CARMIL1: variants seen among roughly 807,000 people sequenced by gnomAD.
CARMIL1 encodes F-actin-uncapping protein LRRC16A.
Under a neutral mutation model 177.1 loss-of-function variants are expected in CARMIL1, and 90 were observed. The ratio of observed to expected loss-of-function variants is 0.51; its 90% CI spans 0.43 to 0.61. The LOEUF is 0.61. Among genes scored for constraint, CARMIL1 ranks in the 20% least tolerant of loss-of-function variants. CARMIL1 has a pLI of 0.00. For synonymous variants in CARMIL1, 577 were observed against 606.2 expected, an observed-to-expected ratio of 0.95 and a Z score of 0.71; for missense variants, 1,380 against 1,667.0, an observed-to-expected ratio of 0.83 and a Z score of 3.00.
chr6:25,526,443 A>G, intron 23 of CARMIL1, among the ~76,000 whole-genome samples: 1 of 151,660 alleles, frequency 6.6e-6, no homozygotes, highest in East Asian at 1.9e-4. Context: ...TAAAGCTTAT[A>G]TTTATTGGTT....
intron 2 of CARMIL1, among the ~76,000 whole-genome samples, chr6:25,378,860 C>A (rs1341611170): frequency 1.3e-5 from 2 of 150,314 alleles, no homozygotes; most frequent in Non-Finnish European, 2.9e-5. Context: ...GGCATGCTCA[C>A]AGTGCCTCCA....
At chr6:25,548,862 A>G (rs1263782136) in intron 26 of CARMIL1, among the ~76,000 whole-genome samples, 1 of 152,184 alleles carries the variant, frequency 6.6e-6, no homozygotes, top group Admixed American at 6.6e-5. Flanking sequence ...AGCAACCTTG[A>G]GCAAGTCACT....
At chr6:25,525,667 A>T in intron 23 of CARMIL1, among the ~76,000 whole-genome samples, 1 of 152,236 alleles carries the variant, frequency 6.6e-6, no homozygotes, top group East Asian at 1.9e-4. Context: ...TGTGGTATAA[A>T]GGATGGAAAA....
At chr6:25,451,200 C>G (rs897144165) in intron 8 of CARMIL1, among the ~76,000 whole-genome samples, 19 of 151,868 alleles carry the variant, frequency 1.3e-4, no homozygotes, top group African/African-American at 4.1e-4. Flanking sequence ...ATGTGTGTAT[C>G]CAAAATCCAG....
chr6:25,282,812 A>G (rs1781242265), intron 1 of CARMIL1, among the ~76,000 whole-genome samples: 1 of 152,200 alleles, frequency 6.6e-6, no homozygotes, highest in South Asian at 2.1e-4. Context: ...TTCCGAATCC[A>G]TGATCTTATG....
At chr6:25,311,858 A>C (rs1263809903) in intron 2 of CARMIL1, among the ~76,000 whole-genome samples, 1 of 152,172 alleles carries the variant, frequency 6.6e-6, no homozygotes, top group African/African-American at 2.4e-5. Context: ...TGAAGACACA[A>C]TTCTCCCATC....
At chr6:25,420,333 T>C in intron 3 of CARMIL1, 169 bp downstream of exon 3, 1 of 672,688 alleles carries the variant, frequency 1.5e-6, no homozygotes, top group Non-Finnish European at 2.6e-6. Context: ...TGTTCAGATT[T>C]CTCTTAGCAC....
chr6:25,460,064 C>G (rs753429314), intron 8 of CARMIL1, among the ~76,000 whole-genome samples: 2 of 152,178 alleles, frequency 1.3e-5, no homozygotes, highest in Non-Finnish European at 2.9e-5. Flanking sequence ...GTTTGGAAAC[C>G]TTTCCCCTTA....
chr6:25,611,621 G>C (rs1486814718), intron 36 of CARMIL1, among the ~76,000 whole-genome samples: 1 of 152,208 alleles, frequency 6.6e-6, no homozygotes, highest in Non-Finnish European at 1.5e-5. Flanking sequence ...GGATGGTAGT[G>C]CTAAGTAGGA....
At chr6:25,370,686 G>T (rs9461145) in intron 2 of CARMIL1, among the ~76,000 whole-genome samples, 1 of 152,098 alleles carries the variant, frequency 6.6e-6, no homozygotes, top group African/African-American at 2.4e-5. Context: ...CACTTAGGAA[G>T]TGGAAAGTCT....
chr6:25,522,654 C>T (rs1209563076), intron 23 of CARMIL1, among the ~76,000 whole-genome samples: 3 of 152,210 alleles, frequency 2.0e-5, no homozygotes, highest in Non-Finnish European at 2.9e-5. Flanking sequence ...TTCCTGTGCT[C>T]CTCTCTGTCA....
intron 2 of CARMIL1, among the ~76,000 whole-genome samples, chr6:25,318,082 G>A (rs1471114759): frequency 6.6e-6 from 1 of 152,168 alleles, no homozygotes; most frequent in Non-Finnish European, 1.5e-5. Flanking sequence ...ATTGGGCTTG[G>A]AATGTGCCAG....
At chr6:25,615,997 A>G (rs551808497) in intron 36 of CARMIL1, among the ~76,000 whole-genome samples, 1 of 152,348 alleles carries the variant, frequency 6.6e-6, no homozygotes, top group Admixed American at 6.5e-5. Flanking sequence ...GCCACTATAG[A>G]CAGGGTCTGT....
intron 17 of CARMIL1, among the ~76,000 whole-genome samples, chr6:25,505,930 G>A (rs12199135): frequency 0.44 from 66,373 of 151,984 alleles, 14,870 homozygotes; most frequent in Middle Eastern, 0.52. Flanking sequence ...TTAGTTGTAG[G>A]CCTGGGTGTG....
At chr6:25,319,666 T>C (rs531419385) in intron 2 of CARMIL1, among the ~76,000 whole-genome samples, 76 of 152,060 alleles carry the variant, frequency 5.0e-4, no homozygotes, top group Non-Finnish European at 9.6e-4. Flanking sequence ...TTCAAAGGAG[T>C]AGATGACTCC....
intron 2 of CARMIL1, among the ~76,000 whole-genome samples, chr6:25,318,584 G>A (rs565308558): frequency 2.6e-5 from 4 of 152,188 alleles, no homozygotes; most frequent in South Asian, 2.1e-4. Flanking sequence ...TCTCTGCCTC[G>A]TACCTCAAGT....
intron 2 of CARMIL1, among the ~76,000 whole-genome samples, chr6:25,390,315 T>TATAG (rs1221927840): frequency 2.0e-5 from 1 of 50,390 alleles, no homozygotes; most frequent in Non-Finnish European, 3.5e-5. Context: ...TATATATATA[T>TATAG]ATATATTTTT....
intron 2 of CARMIL1, among the ~76,000 whole-genome samples, chr6:25,291,287 T>C (rs1175520356): frequency 6.6e-6 from 1 of 152,200 alleles, no homozygotes; most frequent in African/African-American, 2.4e-5. Flanking sequence ...CTGTATTTCA[T>C]TAACATAAAG....
chr6:25,293,697 C>G (rs1782170114), intron 2 of CARMIL1, among the ~76,000 whole-genome samples: 2 of 151,928 alleles, frequency 1.3e-5, no homozygotes, highest in Admixed American at 1.3e-4. Context: ...CCTTTCCCTT[C>G]CTTTCCCCCT....
Sources: allele counts gnomAD v4.1 joint callset (sites outside exome capture counted in the v4.1 genomes callset), GRCh38; gene constraint gnomAD v4.1.1; transcripts MANE v1.5; gene names NCBI Gene and HGNC (gene_info 2026-07-23, HGNC 2026-07-21).